Variants in CHL1 observed in about 807,000 individuals in gnomAD.
CHL1 encodes cell adhesion molecule L1 like.
Under a neutral mutation model 141.9 loss-of-function variants are expected in CHL1, and 96 were observed. The observed-to-expected ratio is 0.68, with a 90% CI of 0.57 to 0.80. CHL1 has a LOEUF of 0.80. CHL1 is among the 30% of genes least tolerant of loss of function. CHL1 has a pLI of 0.00. For synonymous variants in CHL1, 613 were observed against 502.2 expected (o/e 1.22, Z -2.95); for missense variants, 1,820 against 1,457.2 (o/e 1.25, Z -4.05).
intron 1 of CHL1, chr3:197,656 G>C (rs564083225): frequency 2.8e-6 from 1 of 362,062 alleles, no homozygotes; most frequent in Non-Finnish European, 5.4e-6. Flanking sequence ...AATGCCGCCA[G>C]CCTGGAGCGG....
chr3:242,075 C>G (rs959805952), intron 1 of CHL1, among the ~76,000 whole-genome samples: 3 of 151,858 alleles, frequency 2.0e-5, no homozygotes, highest in Non-Finnish European at 4.4e-5. Flanking sequence ...TATGTATATC[C>G]TAAATTGTAC....
At chr3:330,713 A>T (rs1362002994) in intron 5 of CHL1, among the ~76,000 whole-genome samples, 1 of 152,166 alleles carries the variant, frequency 6.6e-6, no homozygotes, top group Non-Finnish European at 1.5e-5. Flanking sequence ...TCTGTTTGTG[A>T]AATGTGACCA....
chr3:226,100 C>T (rs1442093726), intron 1 of CHL1, among the ~76,000 whole-genome samples: 2 of 151,074 alleles, frequency 1.3e-5, no homozygotes, highest in African/African-American at 2.4e-5. Flanking sequence ...CAGCTCACTG[C>T]AACCTCCACC....
chr3:289,298 C>T (rs2125331492), intron 2 of CHL1, among the ~76,000 whole-genome samples: 1 of 152,250 alleles, frequency 6.6e-6, no homozygotes, highest in Non-Finnish European at 1.5e-5. Context: ...ATTTTGTGCT[C>T]AAACTTACCG....
intron 5 of CHL1, among the ~76,000 whole-genome samples, chr3:335,333 G>C (rs948005074): frequency 8.5e-5 from 13 of 152,340 alleles, no homozygotes; most frequent in African/African-American, 2.9e-4. Context: ...AATGAAATGG[G>C]CTGAACTGGG....
At chr3:325,371 C>T (rs1269029978) in intron 3 of CHL1, among the ~76,000 whole-genome samples, 1 of 151,642 alleles carries the variant, frequency 6.6e-6, no homozygotes, top group Non-Finnish European at 1.5e-5. Context: ...TGTGTCCATG[C>T]CTGGAAATTT....
chr3:311,425 T>C (rs1699742245), intron 2 of CHL1, among the ~76,000 whole-genome samples: 1 of 151,922 alleles, frequency 6.6e-6, no homozygotes, highest in Non-Finnish European at 1.5e-5. Context: ...AGTGAGGGTT[T>C]GCACTTTTCA....
intron 9 of CHL1, among the ~76,000 whole-genome samples, chr3:346,031 TA>T (rs1702742829): frequency 6.6e-6 from 1 of 152,218 alleles, no homozygotes; most frequent in Non-Finnish European, 1.5e-5. Context: ...TCATTTGAAA[TA>T]TAATCTGTTC....
intron 26 of CHL1, among the ~76,000 whole-genome samples, chr3:399,596 T>A (rs1039820754): frequency 3.5e-4 from 53 of 152,240 alleles, no homozygotes; most frequent in African/African-American, 1.1e-3. Context: ...GCTGAGATCA[T>A]GCCACTGTAC....
chr3:308,551 T>G (rs1472723108), intron 2 of CHL1, among the ~76,000 whole-genome samples: 1 of 151,228 alleles, frequency 6.6e-6, no homozygotes, highest in Non-Finnish European at 1.5e-5. Flanking sequence ...CATATAAACA[T>G]AGATAGTCAT....
At chr3:283,766 T>C (rs1478479099) in intron 2 of CHL1, among the ~76,000 whole-genome samples, 5 of 152,112 alleles carry the variant, frequency 3.3e-5, no homozygotes, top group African/African-American at 1.2e-4. Flanking sequence ...CCAGTATTAT[T>C]CTCCCAATTG....
chr3:400,323 A>AT (rs1167603704), intron 26 of CHL1, among the ~76,000 whole-genome samples: 1 of 152,222 alleles, frequency 6.6e-6, no homozygotes, highest in African/African-American at 2.4e-5. Context: ...AGACTGAATG[A>AT]TTATGAATTA....
At chr3:402,024 A>G (rs772311048) in intron 27 of CHL1, among the ~76,000 whole-genome samples, 28 of 152,190 alleles carry the variant, frequency 1.8e-4, no homozygotes, top group Non-Finnish European at 2.9e-4. Context: ...GTTCAATCCA[A>G]TTTGCATCCA....
At chr3:215,331 G>A (rs1339555198) in intron 1 of CHL1, among the ~76,000 whole-genome samples, 1 of 152,120 alleles carries the variant, frequency 6.6e-6, no homozygotes, top group African/African-American at 2.4e-5. Context: ...AATATCCCAC[G>A]TTCTCACTCA....
chr3:228,757 T>C (rs1701603084), intron 1 of CHL1, among the ~76,000 whole-genome samples: 1 of 152,210 alleles, frequency 6.6e-6, no homozygotes, highest in Non-Finnish European at 1.5e-5. Flanking sequence ...GCATCTTATG[T>C]AGATTTCTAA....
intron 2 of CHL1, among the ~76,000 whole-genome samples, chr3:299,161 A>G (rs1209038994): frequency 6.6e-6 from 1 of 152,232 alleles, no homozygotes; most frequent in Non-Finnish European, 1.5e-5. Context: ...GAGAAGACAC[A>G]GTCACGTAAA....
intron 14 of CHL1, 189 bp downstream of exon 14, chr3:363,572 G>T (rs957414181): frequency 1.9e-6 from 1 of 521,610 alleles, no homozygotes; most frequent in Non-Finnish European, 3.4e-6. Flanking sequence ...CCCATGATAT[G>T]TGCACAGCTT....
rs943141983 is a variant in CHL1, at chr3:341,781, C to A, written c.509-131C>A. The A allele has an allele frequency of 2.1e-5, 15 of 716,634 alleles. No individual in the cohort carries two copies. The East Asian group carries it at 4.4e-4, about 21-fold the overall frequency. 44.4% of individuals were successfully genotyped at this position (716,634 alleles called of 1,614,324 possible). A position where few individuals can be genotyped will look rare whatever the true frequency, so the allele number is the denominator to read the frequency against. On this transcript the variant is annotated intron_variant, in intron 6 of 27. Transcript: ENST00000256509. ...TTGCTCATTGTTCCTGTAGTAAGAC[C>A]AGACTTGAGAGGAATTAAAGAGCAA...
chr3:288,655 G>C (rs544170258), intron 2 of CHL1, among the ~76,000 whole-genome samples: 1 of 152,150 alleles, frequency 6.6e-6, no homozygotes, highest in Non-Finnish European at 1.5e-5. Flanking sequence ...TACCTCTACT[G>C]GTCAAGGATC....
Sources: allele counts gnomAD v4.1 joint callset (sites outside exome capture counted in the v4.1 genomes callset), GRCh38; gene constraint gnomAD v4.1.1; transcripts MANE v1.5; gene names NCBI Gene and HGNC (gene_info 2026-07-23, HGNC 2026-07-21).